Variants in ARPC5L observed in about 807,000 individuals in gnomAD.
The protein encoded by ARPC5L is actin related protein 2/3 complex subunit 5 like.
Under a neutral mutation model 16.9 loss-of-function variants are expected in ARPC5L, and 4 were observed. The observed-to-expected ratio is 0.24, with a 90% confidence interval of 0.12 to 0.54. The LOEUF (loss-of-function observed/expected upper bound fraction) is 0.54. Ranked by LOEUF, ARPC5L falls within the 20% of genes least tolerant of loss-of-function variation. ARPC5L has a pLI of 0.95. For missense variants in ARPC5L, 151 were observed against 201.9 expected (o/e 0.75, Z 1.53); for synonymous variants, 78 against 82.6 (o/e 0.94, Z 0.30).
intron 2 of ARPC5L, among the ~76,000 whole-genome samples, chr9:124,866,343 G>A (rs948190058): frequency 1.3e-5 from 2 of 152,170 alleles, no homozygotes; most frequent in South Asian, 4.1e-4. Flanking sequence ...GGTGGAGGGT[G>A]CAGTGAGCTG....
In ARPC5L at chr9:124,877,699, T is replaced by C. The variant is rs1829467610; in HGVS notation, c.*759T>C. On this transcript the variant is annotated 3_prime_UTR_variant, in exon 6 of 6. Coordinates refer to ENST00000353214, the MANE Select transcript of ARPC5L (RefSeq NM_030978.3). ...GTAATTAATTTTGGAGCTTATTTAATTAATTTAATAAAGTGCCAAACATTT... is the reference window on the plus strand; with the variant it reads ...GTAATTAATTTTGGAGCTTATTTAACTAATTTAATAAAGTGCCAAACATTT... 1 of 143,554 alleles carries C rather than the reference T, an allele frequency of 7.0e-6. No individual in the cohort carries two copies. The highest frequency in any genetic ancestry group is 2.4e-4 in the South Asian group (1 of 4,242). 8.9% of individuals were successfully genotyped at this position (143,554 alleles called of 1,614,324 possible).
At chr9:124,865,315 T>TAAAAAA (rs11414499) in intron 2 of ARPC5L, among the ~76,000 whole-genome samples, 17 of 107,050 alleles carry the variant, frequency 1.6e-4, no homozygotes, top group East Asian at 8.3e-4. Context: ...AAACTCTGTC[T>TAAAAAA]AAAAAAAAAA....
At chr9:124,876,198 A>T (rs1339093066) in intron 5 of ARPC5L, among the ~76,000 whole-genome samples, 1 of 152,036 alleles carries the variant, frequency 6.6e-6, no homozygotes, top group Non-Finnish European at 1.5e-5. Context: ...ACAAAAAAAT[A>T]AACTAGGCTG....
chr9:124,867,069 C>T (rs147919329), intron 2 of ARPC5L, among the ~76,000 whole-genome samples: 2 of 152,202 alleles, frequency 1.3e-5, no homozygotes, highest in Non-Finnish European at 2.9e-5. Context: ...CCACCCCAAC[C>T]TCTGAGCCTT....
At chr9:124,876,852 C>CAA (rs769130338) in intron 5 of ARPC5L, 26 bp from the exon 6 acceptor site, 1 of 1,604,346 alleles carries the variant, frequency 6.2e-7, no homozygotes, top group Non-Finnish European at 8.5e-7. Context: ...TCTCATCTGA[C>CAA]ACGTTTTCTT....
intron 5 of ARPC5L, among the ~76,000 whole-genome samples, chr9:124,876,437 G>A (rs1829436973): frequency 6.6e-6 from 1 of 152,212 alleles, no homozygotes; most frequent in Admixed American, 6.5e-5. Context: ...AGTGAGCCGA[G>A]ATCGTGCCAT....
rs939530609 is a variant in ARPC5L at position 124,877,513 on chromosome 9, G to A, written c.*573G>A. On this transcript the variant is annotated 3_prime_UTR_variant, in exon 6 of 6. Coordinates refer to ENST00000353214, the MANE Select transcript of ARPC5L (RefSeq NM_030978.3). ...TTGTTCCGGAAACCCGATGTGGAAG[G>A]AGTAGACCTGTGTCCCTGTTGAGCC... 2.0e-5 allele frequency: 3 copies of A among 152,866 alleles called. No homozygotes were observed. The highest frequency in any genetic ancestry group is 7.2e-5 in the African/African-American group (3 of 41,466). The allele number at this position is 152,866 out of a possible 1,614,324, so 9.5% of individuals were successfully genotyped here.
chr9:124,869,653 C>T (rs748036207), intron 3 of ARPC5L, among the ~76,000 whole-genome samples: 3 of 152,220 alleles, frequency 2.0e-5, no homozygotes, highest in South Asian at 2.1e-4. Context: ...CTGGCGCCTT[C>T]TTCTGCAGCG....
chr9:124,873,758 T>C lies in ARPC5L; in HGVS notation c.216T>C (p.Ala72=), dbSNP rs780077064. 1.4e-5 allele frequency: 22 copies of C among 1,614,010 alleles called. No homozygotes were observed. Among genetic ancestry groups the C allele is most frequent in the Middle Eastern group, 3.3e-4 (2 of 6,084 alleles). ...CTCCCGTCAACACCAAGAATCAAGC[T>C]GTGAAGGTAAAGGGGTGGCGCTGCG... The part of the protein sequence containing the change: ...RNSPVNTKNQ[A]VKERAQGVVL... Residue 72 remains alanine (A), a synonymous_variant, in exon 4 of 6, where the codon GCT becomes GCC. Coordinates refer to ENST00000353214, the MANE Select transcript of ARPC5L (RefSeq NM_030978.3).
intron 2 of ARPC5L, among the ~76,000 whole-genome samples, chr9:124,867,857 TGGA>T (rs1407255671): frequency 6.7e-6 from 1 of 148,996 alleles, no homozygotes; most frequent in East Asian, 2.0e-4. Flanking sequence ...TCGCTCAGGC[TGGA>T]GCGTAATGGC....
At chr9:124,870,019 C>T (rs973051379) in intron 3 of ARPC5L, among the ~76,000 whole-genome samples, 9 of 152,198 alleles carry the variant, frequency 5.9e-5, no homozygotes, top group Non-Finnish European at 1.0e-4. Context: ...TTGTGTCTCT[C>T]TTCCCCCAGT....
intron 3 of ARPC5L, 38 bp downstream of exon 3, chr9:124,869,477 G>GCCTTCTCA (rs1299775429): frequency 1.4e-6 from 2 of 1,419,876 alleles, no homozygotes; most frequent in African/African-American, 3.0e-5. Flanking sequence ...CCTGCGCGCG[G>GCCTTCTCA]CCTTCTCACC....
At chr9:124,864,482 C>T (rs1829244419) in intron 2 of ARPC5L, among the ~76,000 whole-genome samples, 1 of 152,204 alleles carries the variant, frequency 6.6e-6, no homozygotes, top group Non-Finnish European at 1.5e-5. Flanking sequence ...CTGCCTCAGC[C>T]TCCCGAGGAA....
Position 124,877,394 on chromosome 9 carries a change from G to A in ARPC5L, c.*454G>A, listed in dbSNP as rs939541496. The A allele has an allele frequency of 6.2e-6, 1 of 161,570 alleles. No individual in the cohort carries two copies. The highest frequency in any genetic ancestry group is 2.4e-5 in the African/African-American group (1 of 41,530). 10.0% of individuals were successfully genotyped at this position (161,570 alleles called of 1,614,324 possible). A position where few individuals can be genotyped will look rare whatever the true frequency, so the allele number is the denominator to read the frequency against. ...GTAAAGTGCCTGCTGCATCAATAAA[G>A]CTCTTGGCTTATTAGTCTATACATT... On this transcript the variant is annotated 3_prime_UTR_variant, in exon 6 of 6. Coordinates refer to ENST00000353214, the MANE Select transcript of ARPC5L (RefSeq NM_030978.3).
At position 124,875,239 on chromosome 9, in the gene ARPC5L, G is replaced by C. The variant is rs1024667369; in HGVS notation, c.399+88G>C. 5 of 1,467,260 alleles carry C rather than the reference G, an allele frequency of 3.4e-6. No homozygotes were observed. In the African/African-American group the frequency reaches 7.0e-5, roughly 20 times the overall value. 90.9% of individuals were successfully genotyped at this position (1,467,260 alleles called of 1,614,324 possible). On this transcript the variant is annotated intron_variant, in intron 5 of 5. Coordinates refer to ENST00000353214, the MANE Select transcript of ARPC5L (RefSeq NM_030978.3). The stretch of plus-strand genomic sequence containing the variant: ...GGCCAGATTTTCCAGAACAAACGTA[G>C]GACGGTCTGATAGGCGTGTGGGGTC...
intron 5 of ARPC5L, among the ~76,000 whole-genome samples, chr9:124,875,508 G>T (rs970376467): frequency 6.6e-6 from 1 of 152,220 alleles, no homozygotes; most frequent in Non-Finnish European, 1.5e-5. Flanking sequence ...GATACTTGCA[G>T]TGGTGGAGGC....
chr9:124,869,585 GC>G (rs891194085), intron 3 of ARPC5L, 146 bp downstream of exon 3: 124 of 1,317,460 alleles, frequency 9.4e-5, no homozygotes, highest in Non-Finnish European at 1.2e-4. Flanking sequence ...TGCCGACCCG[GC>G]TTCCCTGGGC....
chr9:124,876,567 C>T (rs1034689660), intron 5 of ARPC5L, among the ~76,000 whole-genome samples: 1 of 152,182 alleles, frequency 6.6e-6, no homozygotes, highest in Non-Finnish European at 1.5e-5. Flanking sequence ...CCCAGGACAT[C>T]AAGGCTGTGC....
chr9:124,872,391 C>T (rs367961934), intron 3 of ARPC5L, among the ~76,000 whole-genome samples: 2 of 152,150 alleles, frequency 1.3e-5, no homozygotes, highest in Non-Finnish European at 1.5e-5. Flanking sequence ...GTCAGGAGAT[C>T]GAGACCATCC....
Sources: allele counts gnomAD v4.1 joint callset (sites outside exome capture counted in the v4.1 genomes callset), GRCh38; gene constraint gnomAD v4.1.1; transcripts MANE v1.5; gene names NCBI Gene and HGNC (gene_info 2026-07-23, HGNC 2026-07-21).